SORD: variants seen among roughly 807,000 people sequenced by gnomAD.
The protein encoded by SORD is (R,R)-butanediol dehydrogenase.
A neutral mutation model predicts 35.6 loss-of-function variants in SORD; 18 were observed. That is an observed-to-expected ratio of 0.51 (90% CI 0.35 to 0.75). SORD has a LOEUF of 0.75. Ranked by LOEUF, SORD falls within the 30% of genes least tolerant of loss-of-function variation. The pLI is 0.01. For missense variants in SORD, 250 were observed against 390.2 expected (o/e 0.64, Z 3.03); for synonymous variants, 106 against 152.9 (o/e 0.69, Z 2.26).
At chr15:45,027,322 T>G (rs1463299932) in intron 1 of SORD, among the ~76,000 whole-genome samples, 1 of 152,278 alleles carries the variant, frequency 6.6e-6, no homozygotes, top group African/African-American at 2.4e-5. Context: ...AGAGTGGGGT[T>G]TAGTCCCCCT....
At chr15:45,041,606 T>C (rs1311075177) in intron 2 of SORD, 1 of 152,122 alleles carries the variant, frequency 6.6e-6, no homozygotes, top group African/African-American at 2.4e-5. Flanking sequence ...GGGTGCTGAG[T>C]AAGTATTGTA....
At chr15:45,071,057 A>G (rs1405897704) in intron 7 of SORD, among the ~76,000 whole-genome samples, 1 of 152,248 alleles carries the variant, frequency 6.6e-6, no homozygotes, top group Non-Finnish European at 1.5e-5. Flanking sequence ...AAATCTGAGC[A>G]TCGCCATCCT....
At chr15:45,030,892 C>T (rs1171615573) in intron 1 of SORD, among the ~76,000 whole-genome samples, 1 of 152,262 alleles carries the variant, frequency 6.6e-6, no homozygotes, top group African/African-American at 2.4e-5. Flanking sequence ...TGTTGAACAG[C>T]TGTCATGTCA....
Position 45,040,824 on chromosome 15 carries a change from C to G in SORD, c.100+383C>G, listed in dbSNP as rs34056278. ...AGTGGCCAAGTGTCCTAACCCTAAC[C>G]CAAACTTTGAAAAGGAGTGAGTCTA... On this transcript the variant is annotated intron_variant, in intron 2 of 8. Transcript: ENST00000267814. 3.0e-3 allele frequency among the ~76,000 whole-genome samples: 458 copies of G among 152,270 alleles called. 6 individuals are homozygous for G. The highest frequency in any genetic ancestry group is 0.01 in the African/African-American group (422 of 41,560).
At chr15:45,029,761 A>G (rs1441460550) in intron 1 of SORD, among the ~76,000 whole-genome samples, 1 of 152,226 alleles carries the variant, frequency 6.6e-6, no homozygotes, top group Non-Finnish European at 1.5e-5. Flanking sequence ...GAAGGTGGAG[A>G]ATTTTACTGA....
At chr15:45,048,677 A>G (rs1219025255) in intron 3 of SORD, among the ~76,000 whole-genome samples, 4 of 152,188 alleles carry the variant, frequency 2.6e-5, no homozygotes, top group Non-Finnish European at 5.9e-5. Context: ...TGTTATCCAG[A>G]GTTCTTTGTC....
Position 45,068,389 on chromosome 15 carries a change from G to T in SORD, c.610+143G>T, listed in dbSNP as rs2019651. The T allele has an allele frequency of 1, 681,093 of 684,210 alleles. 339,019 individuals carry two copies. The highest frequency in any genetic ancestry group is 1 in the East Asian group (36,961 of 37,016). The allele number at this position is 684,210 out of a possible 1,614,324, so 42.4% of individuals were successfully genotyped here. On this transcript the variant is annotated intron_variant, in intron 6 of 8. Coordinates refer to ENST00000267814, the MANE Select transcript of SORD (RefSeq NM_003104.6). ...ATGGATTGTGGAAATATAGAAGAGT[G>T]TGAGTGTGTGTTTTGTGTTAGGAGA...
intron 3 of SORD, among the ~76,000 whole-genome samples, chr15:45,046,172 AT>A (rs1398860481): frequency 2.6e-5 from 4 of 152,020 alleles, no homozygotes; most frequent in African/African-American, 9.7e-5. Context: ...CATAGGCATA[AT>A]TTGCAGAAAG....
At chr15:45,061,896 G>A (rs917065428) in intron 4 of SORD, among the ~76,000 whole-genome samples, 7 of 151,994 alleles carry the variant, frequency 4.6e-5, no homozygotes, top group Non-Finnish European at 7.4e-5. Flanking sequence ...CAATGACCTC[G>A]ACAATAGCAA....
At chr15:45,060,807 G>A (rs1893290739) in intron 3 of SORD, among the ~76,000 whole-genome samples, 2 of 152,238 alleles carry the variant, frequency 1.3e-5, no homozygotes, top group Admixed American at 6.5e-5. Context: ...TGGAGGAGGG[G>A]GCTGGTCCTT....
intron 1 of SORD, among the ~76,000 whole-genome samples, chr15:45,030,254 T>C (rs74011331): frequency 0.21 from 31,168 of 150,674 alleles, no homozygotes; most frequent in African/African-American, 0.44. Context: ...ATATCACAAA[T>C]AGGATTTTAC....
intron 3 of SORD, among the ~76,000 whole-genome samples, chr15:45,053,139 C>T (rs527601351): frequency 2.6e-5 from 4 of 152,314 alleles, no homozygotes; most frequent in Non-Finnish European, 5.9e-5. Flanking sequence ...ACTACTGTTA[C>T]TTGCCTGAGG....
intron 1 of SORD, among the ~76,000 whole-genome samples, chr15:45,030,599 G>C (rs1466920121): frequency 6.6e-6 from 1 of 152,254 alleles, no homozygotes; most frequent in Non-Finnish European, 1.5e-5. Flanking sequence ...GAACAGACTA[G>C]AGCATCTGAC....
At chr15:45,027,461 G>T (rs1892693756) in intron 1 of SORD, among the ~76,000 whole-genome samples, 2 of 152,252 alleles carry the variant, frequency 1.3e-5, no homozygotes, top group South Asian at 2.1e-4. Flanking sequence ...CGTGTGAAAG[G>T]CCTAGCACAG....
intron 1 of SORD, among the ~76,000 whole-genome samples, chr15:45,024,177 C>G (rs1001837104): frequency 7.2e-5 from 11 of 152,300 alleles, no homozygotes; most frequent in Admixed American, 4.6e-4. Flanking sequence ...TTGACAAAGT[C>G]CCTCTCAGAT....
intron 1 of SORD, among the ~76,000 whole-genome samples, chr15:45,025,115 A>G (rs1034519710): frequency 6.6e-6 from 1 of 152,174 alleles, no homozygotes; most frequent in African/African-American, 2.4e-5. Context: ...CCACTCTCTG[A>G]CTGGATTAGG....
chr15:45,066,530 C>A (rs1893407627), intron 5 of SORD, among the ~76,000 whole-genome samples: 1 of 152,138 alleles, frequency 6.6e-6, no homozygotes, highest in African/African-American at 2.4e-5. Flanking sequence ...GAGGAGTGAG[C>A]AGTGGTCTGC....
intron 1 of SORD, among the ~76,000 whole-genome samples, chr15:45,031,484 G>A (rs1892785725): frequency 6.6e-6 from 1 of 152,266 alleles, no homozygotes; most frequent in South Asian, 2.1e-4. Context: ...CTCTGTTCGT[G>A]AGGAGGCCTC....
At chr15:45,070,666 G>T (rs1486853815) in intron 7 of SORD, 1 of 152,278 alleles carries the variant, frequency 6.6e-6, no homozygotes, top group Non-Finnish European at 1.5e-5. Context: ...TATGTCTTGG[G>T]TACCTACCAT....
Sources: allele counts gnomAD v4.1 joint callset (sites outside exome capture counted in the v4.1 genomes callset), GRCh38; gene constraint gnomAD v4.1.1; transcripts MANE v1.5; gene names NCBI Gene and HGNC (gene_info 2026-07-23, HGNC 2026-07-21).